The following DIP2A variants were observed in gnomAD, a reference collection of about 807,000 sequenced individuals.
DIP2A encodes DIP2 acetate--CoA ligase A, also known as disco-interacting protein 2 homolog A.
DIP2A carries 85 observed loss-of-function variants against 177.4 expected under a neutral mutation model. That is an observed-to-expected ratio of 0.48 (90% CI 0.40 to 0.57). DIP2A has a LOEUF of 0.57. DIP2A is among the 20% of genes least tolerant of loss of function. DIP2A has a pLI of 0.00. For missense variants in DIP2A, 1,791 were observed against 2,100.2 expected (o/e 0.85, Z 2.88); for synonymous variants, 886 against 881.8 (o/e 1.00, Z -0.08).
intron 1 of DIP2A, among the ~76,000 whole-genome samples, chr21:46,481,499 G>T (rs993010490): frequency 6.6e-6 from 1 of 152,160 alleles, no homozygotes; most frequent in Non-Finnish European, 1.5e-5. Context: ...GGGTCGTCTG[G>T]TGAGTGTTTG....
chr21:46,474,869 G>A (rs1489061038), intron 1 of DIP2A, among the ~76,000 whole-genome samples: 1 of 152,188 alleles, frequency 6.6e-6, no homozygotes, highest in African/African-American at 2.4e-5. Flanking sequence ...ATCTGATTAG[G>A]GAAGATAGGG....
At chr21:46,497,143 G>T (rs1164049760) in intron 4 of DIP2A, 36 bp downstream of exon 4, 2 of 1,561,738 alleles carry the variant, frequency 1.3e-6, no homozygotes. Context: ...GCTTTTTTTT[G>T]AGTGTTTCAC....
intron 1 of DIP2A, among the ~76,000 whole-genome samples, chr21:46,470,195 C>T (rs1475262336): frequency 6.6e-6 from 1 of 151,952 alleles, no homozygotes. Context: ...AAAAAATGGG[C>T]TGGGCACAGT....
chr21:46,512,855 C>T (rs1204546301), intron 8 of DIP2A, among the ~76,000 whole-genome samples: 1 of 151,450 alleles, frequency 6.6e-6, no homozygotes, highest in Admixed American at 6.6e-5. Context: ...AATGGGGGGT[C>T]TCCCTATGTT....
Position 46,509,342 on chromosome 21 carries a change from G to T in DIP2A, c.870G>T (p.Glu290Asp). The T allele has an allele frequency of 6.2e-7, 1 of 1,612,864 alleles. No homozygotes were observed. Among genetic ancestry groups the T allele is most frequent in the Non-Finnish European group, 8.5e-7 (1 of 1,179,546 alleles). ...GGCCAAAGCGCCCTCCACTGAAGGA[G>T]TTCTTTGTGGATGATTTTGAGGAAT... ...LKRPKRPPLK[E>D]FFVDDFEELL... The change falls in exon 7 of 38, where the codon GAG becomes GAT. Residue 290 changes from glutamate (E) to aspartate (D), a missense_variant. Physicochemically the swap from Glu to Asp is conservative, Grantham distance 45 (BLOSUM62 2). Coordinates refer to ENST00000417564, the MANE Select transcript of DIP2A (RefSeq NM_015151.4).
chr21:46,489,083 A>T (rs1028591587), intron 2 of DIP2A, among the ~76,000 whole-genome samples: 1 of 152,154 alleles, frequency 6.6e-6, no homozygotes, highest in Non-Finnish European at 1.5e-5. Context: ...ACACACACAG[A>T]CACACACAAA....
In DIP2A at chr21:46,556,986, G is replaced by A. The variant is rs751976367; in HGVS notation, c.3546G>A (p.Gln1182=). Residue 1182 remains glutamine, a synonymous_variant, in exon 30 of 38, where the codon CAG becomes CAA. Coordinates refer to ENST00000417564, the MANE Select transcript of DIP2A (RefSeq NM_015151.4). This position sits in a 1 kb window ranked among gnomAD's most constrained non-coding sequence, Gnocchi z 4.5. Reference sequence around the variant, plus strand: ...CCTTATGCCGCTCCATAAAGCTGCAGTGTGAGCTGTACCCCTCGCGGCAGA... The same window carrying A: ...CCTTATGCCGCTCCATAAAGCTGCAATGTGAGCTGTACCCCTCGCGGCAGA... The part of the protein sequence containing the change: ...TSALCRSIKL[Q]CELYPSRQIA... The A allele has an allele frequency of 4.4e-6, 7 of 1,601,092 alleles. No individual in the cohort carries two copies. In the East Asian group the frequency reaches 1.3e-4, roughly 31 times the overall value.
At chr21:46,495,362 G>A (rs12626961) in intron 3 of DIP2A, among the ~76,000 whole-genome samples, 72,313 of 150,312 alleles carry the variant, frequency 0.48, 18,250 homozygotes, top group African/African-American at 0.64. Flanking sequence ...TCTGCCTCCC[G>A]GGTTCAAACG....
In DIP2A at chr21:46,484,798, C is replaced by A; in HGVS notation, c.133C>A (p.Leu45Met). 1.3e-6 allele frequency: 2 copies of A among 1,585,610 alleles called. No homozygotes were observed. The highest frequency in any genetic ancestry group is 1.8e-5 in the Admixed American group (1 of 55,592). ...AGGATATGAAAAGAAAAGGGCAAAG[C>A]TGCTTGCACGTTATATACCGCTTAT... ...QKGYEKKRAK[L>M]LARYIPLIQG... Residue 45 changes from leucine (L) to methionine (M), a missense_variant, in exon 2 of 38, where the codon CTG becomes ATG. Physicochemically the swap from Leu to Met is conservative, Grantham distance 15. Coordinates refer to ENST00000417564, the MANE Select transcript of DIP2A (RefSeq NM_015151.4).
chr21:46,561,086 AC>A, intron 33 of DIP2A: 1 of 900,976 alleles, frequency 1.1e-6, no homozygotes, highest in Non-Finnish European at 1.3e-6. Context: ...CTGTCACACA[AC>A]CAGGAAGAAT....
intron 3 of DIP2A, among the ~76,000 whole-genome samples, chr21:46,495,812 A>G (rs1243651187): frequency 3.3e-5 from 5 of 152,034 alleles, no homozygotes; most frequent in African/African-American, 1.2e-4. Flanking sequence ...GGTGGCTTAC[A>G]CCTATAATCC....
intron 1 of DIP2A, among the ~76,000 whole-genome samples, chr21:46,477,837 G>A (rs1230440644): frequency 6.6e-6 from 1 of 151,940 alleles, no homozygotes; most frequent in East Asian, 2.0e-4. Context: ...ACCTGCCTTG[G>A]CCTCCCAAAG....
At chr21:46,583,229 A>G in the DIP2A span, among the ~76,000 whole-genome samples, 1 of 152,210 alleles carries the variant, frequency 6.6e-6, no homozygotes, top group Non-Finnish European at 1.5e-5. Flanking sequence ...ACAACAAAAC[A>G]CTACAATACA....
chr21:46,534,721 C>T (rs753142326), intron 13 of DIP2A, 34 bp downstream of exon 13: 1 of 1,565,732 alleles, frequency 6.4e-7, no homozygotes, highest in South Asian at 1.1e-5. Context: ...GGTGGCCCCT[C>T]CAGCCTCACA....
intron 3 of DIP2A, among the ~76,000 whole-genome samples, chr21:46,492,585 T>A (rs2057076477): frequency 6.6e-6 from 1 of 152,178 alleles, no homozygotes; most frequent in Non-Finnish European, 1.5e-5. Context: ...GGGATGCTAT[T>A]TGGAGTTTGG....
rs1002260072 is a variant in DIP2A, at chr21:46,533,507, C to A, written c.1306-17C>A. 1 of 1,610,948 alleles carries A rather than the reference C, an allele frequency of 6.2e-7. No homozygotes were observed. Among genetic ancestry groups the A allele is most frequent in the Non-Finnish European group, 8.5e-7 (1 of 1,178,568 alleles). ...CTGTGAGCACCCCACCCCACACGGT[C>A]ACTCTGCTTTCTGCAGGATGCAGGC... On this transcript the variant is annotated splice_polypyrimidine_tract_variant and intron_variant, in intron 10 of 37. Coordinates refer to ENST00000417564, the MANE Select transcript of DIP2A (RefSeq NM_015151.4).
At chr21:46,551,113 A>G (rs995924116) in intron 23 of DIP2A, among the ~76,000 whole-genome samples, 3 of 152,184 alleles carry the variant, frequency 2.0e-5, no homozygotes, top group Non-Finnish European at 2.9e-5. Flanking sequence ...CACATCACCC[A>G]GTGTCTGTGT....
chr21:46,554,757 G>A (rs975592258), intron 27 of DIP2A, 61 bp downstream of exon 27: 65 of 1,545,242 alleles, frequency 4.2e-5, no homozygotes, highest in Admixed American at 4.1e-4. Context: ...GCTGCCCTCC[G>A]CTGCCCCCTT....
At chr21:46,550,513 C>T in intron 22 of DIP2A, 30 bp from the exon 23 acceptor site, 3 of 1,595,350 alleles carry the variant, frequency 1.9e-6, no homozygotes, top group South Asian at 1.1e-5. Context: ...AAGTTGGGGG[C>T]CTGTGCCAAA....
Sources: allele counts gnomAD v4.1 joint callset (sites outside exome capture counted in the v4.1 genomes callset), GRCh38; gene constraint gnomAD v4.1.1; non-coding constraint Gnocchi (gnomAD v3.1); transcripts MANE v1.5; gene names NCBI Gene and HGNC (gene_info 2026-07-23, HGNC 2026-07-21).